The following G2E3 variants were observed in gnomAD, a reference collection of about 807,000 sequenced individuals.
G2E3 encodes the protein G2/M-phase specific E3 ubiquitin protein ligase.
In G2E3, 35 loss-of-function variants were observed where a neutral mutation model predicts 92.8. The observed-to-expected ratio is 0.38, with a 90% CI of 0.29 to 0.50. G2E3 has a LOEUF of 0.50. Ranked by LOEUF, G2E3 falls within the 20% of genes least tolerant of loss-of-function variation. The probability of loss-of-function intolerance (pLI) is 0.94; values close to 1 mark genes in which losing one functional copy is unlikely to be tolerated. For synonymous variants in G2E3, 242 were observed against 272.4 expected, an observed-to-expected ratio of 0.89 and a Z score of 1.10; for missense variants, 554 against 823.8, an observed-to-expected ratio of 0.67 and a Z score of 4.01.
At chr14:30,561,495 G>T (rs1023494275) in intron 1 of G2E3, among the ~76,000 whole-genome samples, 5 of 152,010 alleles carry the variant, frequency 3.3e-5, no homozygotes, top group African/African-American at 1.2e-4. Context: ...CTCTTCCCAA[G>T]GACCATCTTC....
At chr14:30,613,669 G>C (rs946735597) in intron 13 of G2E3, among the ~76,000 whole-genome samples, 1 of 151,604 alleles carries the variant, frequency 6.6e-6, no homozygotes, top group Non-Finnish European at 1.5e-5. Context: ...AGAAAATCAA[G>C]GGTTTTTAAA....
intron 1 of G2E3, chr14:30,560,803 T>C (rs748274744): frequency 2.8e-6 from 2 of 702,178 alleles, no homozygotes; most frequent in Non-Finnish European, 5.2e-6. Context: ...TCAGTAGGTC[T>C]GGAGGATGGC....
At chr14:30,563,760 G>A (rs1436722514) in intron 1 of G2E3, among the ~76,000 whole-genome samples, 3 of 148,482 alleles carry the variant, frequency 2.0e-5, no homozygotes, top group Middle Eastern at 3.3e-3. Context: ...TCACTCTGTT[G>A]CCCAGGCTGA....
At chr14:30,573,129 G>T (rs1879865413) in intron 1 of G2E3, among the ~76,000 whole-genome samples, 1 of 151,610 alleles carries the variant, frequency 6.6e-6, no homozygotes, top group African/African-American at 2.4e-5. Flanking sequence ...CACTGTGCCT[G>T]GCTTTTATGT....
At chr14:30,604,240 AAAGGACTTTCGCTTTTATT>A (rs1881715628) in intron 10 of G2E3, among the ~76,000 whole-genome samples, 1 of 152,236 alleles carries the variant, frequency 6.6e-6, no homozygotes, top group South Asian at 2.1e-4. Context: ...TCTTACTTCC[AAAGGACTTTCGCTTTTATT>A]CAACATGAGT....
chr14:30,579,140 C>T (rs1880286657), intron 1 of G2E3, among the ~76,000 whole-genome samples: 1 of 152,064 alleles, frequency 6.6e-6, no homozygotes, highest in Non-Finnish European at 1.5e-5. Flanking sequence ...TAGAGAATTA[C>T]TAGTGCCTCT....
At chr14:30,577,797 C>T (rs1880202943) in intron 1 of G2E3, 1 of 152,154 alleles carries the variant, frequency 6.6e-6, no homozygotes, top group Non-Finnish European at 1.5e-5. Context: ...GCAGGCTTTA[C>T]CTTTTGAAGG....
chr14:30,597,558 A>AC (rs775789723), intron 7 of G2E3, 32 bp downstream of exon 7: 1 of 1,083,520 alleles, frequency 9.2e-7, no homozygotes, highest in Non-Finnish European at 1.4e-6. Context: ...GATAAAAAAA[A>AC]GATATTTTAA....
chr14:30,605,375 G>A, intron 10 of G2E3, 130 bp from the exon 11 acceptor site: 1 of 446,444 alleles, frequency 2.2e-6, no homozygotes, highest in South Asian at 5.7e-5. Context: ...TACAATTTTG[G>A]GTGGGAATTG....
chr14:30,610,250 A>G (rs1882023658), intron 12 of G2E3, among the ~76,000 whole-genome samples: 1 of 152,214 alleles, frequency 6.6e-6, no homozygotes, highest in Non-Finnish European at 1.5e-5. Flanking sequence ...AATTTACATT[A>G]AGAGAGAACA....
intron 1 of G2E3, among the ~76,000 whole-genome samples, chr14:30,574,897 T>C (rs905014358): frequency 6.6e-6 from 1 of 152,224 alleles, no homozygotes; most frequent in Non-Finnish European, 1.5e-5. Context: ...TGTGTGCATG[T>C]GTCTTTATGG....
At chr14:30,603,954 G>A (rs117594043) in intron 10 of G2E3, among the ~76,000 whole-genome samples, 171 of 152,338 alleles carry the variant, frequency 1.1e-3, no homozygotes, top group Non-Finnish European at 2.1e-3. Flanking sequence ...TTCAAAATGT[G>A]AAGAATATCT....
chr14:30,598,910 T>C (rs376971485), intron 8 of G2E3, among the ~76,000 whole-genome samples: 146 of 152,272 alleles, frequency 9.6e-4, no homozygotes, highest in African/African-American at 3.3e-3. Flanking sequence ...ATTGCAAGGG[T>C]GCTGTAAATA....
chr14:30,560,543 C>G (rs533980606), intron 1 of G2E3: 1 of 470,688 alleles, frequency 2.1e-6, no homozygotes, highest in East Asian at 3.3e-5. Flanking sequence ...CATATAGTGT[C>G]TTTGTAACAG....
At chr14:30,598,446 T>G (rs1031913221) in intron 7 of G2E3, 37 bp from the exon 8 acceptor site, 12 of 1,254,124 alleles carry the variant, frequency 9.6e-6, no homozygotes, top group Admixed American at 1.7e-5. Flanking sequence ...GTAACATTAT[T>G]TATAGGTCAA....
intron 3 of G2E3, among the ~76,000 whole-genome samples, chr14:30,588,670 T>C (rs1880848868): frequency 6.6e-6 from 1 of 152,124 alleles, no homozygotes; most frequent in Non-Finnish European, 1.5e-5. Context: ...TAATCCAGTG[T>C]TTTTATTTTC....
At chr14:30,582,625 C>T (rs778351619) in intron 2 of G2E3, among the ~76,000 whole-genome samples, 3 of 152,134 alleles carry the variant, frequency 2.0e-5, no homozygotes, top group Admixed American at 6.6e-5. Context: ...TGCACACTTG[C>T]GGGTAAAAGT....
intron 4 of G2E3, chr14:30,590,853 A>T: frequency 2.6e-6 from 1 of 388,762 alleles, no homozygotes. Flanking sequence ...ATGGTTTGGA[A>T]CTACAGATTG....
intron 1 of G2E3, chr14:30,560,412 T>G (rs1347878407): frequency 5.2e-6 from 1 of 191,852 alleles, no homozygotes; most frequent in African/African-American, 2.3e-5. Context: ...AAAACATTCC[T>G]TCATCCAGTG....
Sources: allele counts gnomAD v4.1 joint callset (sites outside exome capture counted in the v4.1 genomes callset), GRCh38; gene constraint gnomAD v4.1.1; transcripts MANE v1.5; gene names NCBI Gene and HGNC (gene_info 2026-07-23, HGNC 2026-07-21).